WDR41: variants seen among roughly 807,000 people sequenced by gnomAD.
WDR41 encodes WD repeat-containing protein 41.
Under a neutral mutation model 69.3 loss-of-function variants are expected in WDR41, and 63 were observed. That is an observed-to-expected ratio of 0.91 (90% CI 0.74 to 1.12). The LOEUF is 1.12. Among genes scored for constraint, WDR41 ranks in the 50% most tolerant of loss-of-function variants. WDR41 has a pLI of 0.00. For missense variants in WDR41, 543 were observed against 534.5 expected, an observed-to-expected ratio of 1.02 and a Z score of -0.16; for synonymous variants, 185 against 192.1, an observed-to-expected ratio of 0.96 and a Z score of 0.31.
chr5:77,467,106 G>T (rs982188175), intron 2 of WDR41, among the ~76,000 whole-genome samples: 1 of 151,742 alleles, frequency 6.6e-6, no homozygotes, highest in Non-Finnish European at 1.5e-5. Flanking sequence ...TAATTGTAAG[G>T]TATAGTGTAA....
intron 1 of WDR41, among the ~76,000 whole-genome samples, chr5:77,573,853 T>G (rs1022901633): frequency 1.3e-5 from 2 of 152,204 alleles, no homozygotes; most frequent in South Asian, 2.1e-4. Flanking sequence ...TGAGAGACAC[T>G]ATAACCTCTG....
chr5:77,603,772 A>C (rs947324790), intron 1 of WDR41, among the ~76,000 whole-genome samples: 35 of 152,320 alleles, frequency 2.3e-4, no homozygotes, highest in African/African-American at 7.7e-4. Flanking sequence ...ACAGGAGTCC[A>C]GTTTGATTCT....
chr5:77,458,479 T>G (rs1455850716), intron 5 of WDR41, among the ~76,000 whole-genome samples: 1 of 152,172 alleles, frequency 6.6e-6, no homozygotes, highest in Non-Finnish European at 1.5e-5. Flanking sequence ...GCACTTTCTC[T>G]GAACACTTAA....
intron 9 of WDR41, among the ~76,000 whole-genome samples, chr5:77,438,567 C>A (rs1241322540): frequency 6.6e-6 from 1 of 152,140 alleles, no homozygotes; most frequent in East Asian, 1.9e-4. Context: ...AGGACACAAC[C>A]ACTAATGCAG....
At chr5:77,467,574 T>C (rs1053412060) in intron 2 of WDR41, among the ~76,000 whole-genome samples, 6 of 152,070 alleles carry the variant, frequency 3.9e-5, no homozygotes, top group Admixed American at 2.0e-4. Flanking sequence ...GAAAAAAATA[T>C]GCTTCTTAGA....
chr5:77,521,150 C>T (rs1004613649), intron 1 of WDR41, among the ~76,000 whole-genome samples: 4 of 143,956 alleles, frequency 2.8e-5, no homozygotes, highest in East Asian at 2.3e-4. Flanking sequence ...TCATGGAAGA[C>T]AATTTTTCCA....
In WDR41 at chr5:77,535,189, G is replaced by T. The variant is rs145718858; in HGVS notation, c.43-45617C>A. On this transcript the variant is annotated intron_variant, in intron 1 of 5. Transcript: ENST00000509971. ...CATCCTTCATTTCCTATCCTAAATT[G>T]CCCCCCTTATGTTCTATGCTTGCTG... 8.3e-3 allele frequency among the ~76,000 whole-genome samples: 1,260 copies of T among 151,972 alleles called. 25 individuals are homozygous for T. Among genetic ancestry groups the T allele is most frequent in the African/African-American group, 0.029 (1,185 of 41,442 alleles).
In WDR41 at chr5:77,603,015, G is replaced by C. The variant is rs980773443; in HGVS notation, c.42+17464C>G. Among the ~76,000 whole-genome samples the C allele has an allele frequency of 6.9e-4, 103 of 148,732 alleles. 1 individual carries two copies. Among genetic ancestry groups the C allele is most frequent in the Non-Finnish European group, 4.4e-4 (30 of 67,690 alleles). On this transcript the variant is annotated intron_variant, in intron 1 of 5. Transcript: ENST00000509971. ...GTGCAGTGGCTCAATCTCGACTCCT[G>C]CAAGCTCAGCTCCCTGGGTTCATGC...
At chr5:77,558,672 G>C (rs1266725003) in intron 1 of WDR41, among the ~76,000 whole-genome samples, 1 of 152,134 alleles carries the variant, frequency 6.6e-6, no homozygotes, top group Admixed American at 6.6e-5. Flanking sequence ...TAACAAACAT[G>C]GTCCTTGACA....
intron 8 of WDR41, among the ~76,000 whole-genome samples, chr5:77,444,540 T>C (rs931951952): frequency 6.6e-6 from 1 of 152,262 alleles, no homozygotes; most frequent in Non-Finnish European, 1.5e-5. Flanking sequence ...TTATCCACAC[T>C]TGTTGGTATT....
chr5:77,434,452 G>C (rs1798860476), intron 12 of WDR41, among the ~76,000 whole-genome samples: 1 of 152,048 alleles, frequency 6.6e-6, no homozygotes, highest in Non-Finnish European at 1.5e-5. Context: ...ACAAAATTCA[G>C]TACACAGGTA....
intron 1 of WDR41, among the ~76,000 whole-genome samples, chr5:77,595,351 G>A (rs116487740): frequency 1.8e-3 from 279 of 152,166 alleles, no homozygotes; most frequent in African/African-American, 6.2e-3. Flanking sequence ...TATTTTTCAC[G>A]TCTTAAAGCT....
chr5:77,452,785 C>T (rs1024061121), intron 6 of WDR41: 2 of 152,136 alleles, frequency 1.3e-5, no homozygotes, highest in Non-Finnish European at 1.5e-5. Flanking sequence ...TTAAACATAA[C>T]TTGCAAAACA....
intron 8 of WDR41, among the ~76,000 whole-genome samples, chr5:77,449,306 G>A (rs1799529417): frequency 6.6e-6 from 1 of 152,166 alleles, no homozygotes; most frequent in South Asian, 2.1e-4. Context: ...ATTATTCTTT[G>A]AGAGTCTTCA....
intron 2 of WDR41, among the ~76,000 whole-genome samples, chr5:77,478,249 A>G (rs146084466): frequency 0.032 from 4,838 of 152,298 alleles, 111 homozygotes; most frequent in Middle Eastern, 0.092. Context: ...CAGTGGTACA[A>G]GGAGGAACTG....
intron 1 of WDR41, among the ~76,000 whole-genome samples, chr5:77,569,346 A>G (rs186812704): frequency 1.3e-3 from 192 of 152,332 alleles, no homozygotes; most frequent in African/African-American, 4.2e-3. Context: ...CACTAAGGTC[A>G]TATTATTAAG....
At chr5:77,539,151 C>A (rs1010035684) in intron 1 of WDR41, among the ~76,000 whole-genome samples, 1 of 152,076 alleles carries the variant, frequency 6.6e-6, no homozygotes, top group South Asian at 2.1e-4. Context: ...CCCTCATGAC[C>A]TCATTACCTC....
At chr5:77,479,659 T>C (rs944417560) in intron 2 of WDR41, among the ~76,000 whole-genome samples, 4 of 152,148 alleles carry the variant, frequency 2.6e-5, no homozygotes, top group African/African-American at 9.7e-5. Flanking sequence ...TTACACCTTA[T>C]ACAAAAATCA....
chr5:77,532,209 G>T (rs1331772202), intron 1 of WDR41, among the ~76,000 whole-genome samples: 1 of 152,030 alleles, frequency 6.6e-6, no homozygotes, highest in Non-Finnish European at 1.5e-5. Context: ...AATTCAGGTA[G>T]TGCGTATACA....
Sources: allele counts gnomAD v4.1 joint callset (sites outside exome capture counted in the v4.1 genomes callset), GRCh38; gene constraint gnomAD v4.1.1; transcripts MANE v1.5; gene names NCBI Gene and HGNC (gene_info 2026-07-23, HGNC 2026-07-21).